The following NHSL2 variants were observed in gnomAD, a reference collection of about 807,000 sequenced individuals.
The protein encoded by NHSL2 is NHS like 2.
A neutral mutation model predicts 53.4 loss-of-function variants in NHSL2; 27 were observed. That is an observed-to-expected ratio of 0.51 (90% confidence interval 0.37 to 0.70). NHSL2 has a LOEUF of 0.70. Ranked by LOEUF, NHSL2 falls within the 30% of genes least tolerant of loss-of-function variation. NHSL2 has a pLI of 0.00. For synonymous variants in NHSL2, 408 were observed against 404.1 expected (o/e 1.01, Z -0.12); for missense variants, 892 against 980.1 (o/e 0.91, Z 1.20).
rs536048451 is a variant in NHSL2 at position 72,024,584 on chromosome X, AG to A, written c.281-107494del. 4.5e-4 allele frequency among the ~76,000 whole-genome samples: 50 copies of A among 112,268 alleles called. No homozygotes were observed. In the South Asian group the frequency reaches 0.018, roughly 40 times the overall value. On this transcript the variant is annotated intron_variant, in intron 1 of 7. Transcript: ENST00000633930. The stretch of plus-strand genomic sequence containing the variant: ...GATGAGGACGGGCACAGAGAGGCTG[AG>A]TGGGTGGTCTAGATCACATAGCTAA...
chrX:72,003,531 C>T (rs1017324934), intron 1 of NHSL2, among the ~76,000 whole-genome samples: 2 of 111,531 alleles, frequency 1.8e-5, no homozygotes, highest in Non-Finnish European at 3.8e-5. Flanking sequence ...TCTATTCCTA[C>T]AAGTATGGCC....
chrX:72,028,693 ACT>A (rs1166534674), intron 1 of NHSL2, among the ~76,000 whole-genome samples: 5 of 111,734 alleles, frequency 4.5e-5, no homozygotes, highest in Non-Finnish European at 7.5e-5. Context: ...ATTTGACAAC[ACT>A]CTCTCTTGAA....
Position 72,139,459 on chromosome X carries a change from C to G in NHSL2, c.1911C>G (p.His637Gln), listed in dbSNP as rs1281592268. 8.3e-7 allele frequency: 1 copy of G among 1,208,685 alleles called. No homozygotes were observed. Among genetic ancestry groups the G allele is most frequent in the Non-Finnish European group, 1.1e-6 (1 of 894,197 alleles). Residue 637 changes from histidine (H) to glutamine (Q), a missense_variant, in exon 6 of 8, where the codon CAC (histidine) becomes CAG (glutamine). Transcript: ENST00000633930. Reference protein sequence around the residue: ...KDPESTQFSHHWYLTDWKSGD... With the variant: ...KDPESTQFSHQWYLTDWKSGD... ...CAGAAAGTACACAATTCTCCCACCACTGGTATCTTACTGACTGGAAGTCTG... is the reference window on the plus strand; with the variant it reads ...CAGAAAGTACACAATTCTCCCACCAGTGGTATCTTACTGACTGGAAGTCTG...
rs755487443 is a variant in NHSL2, at chrX:72,066,883, A to C, written c.281-65196A>C. ...GATAGCTCACAGGTGTAATCCCAGT[A>C]CTTTGGGAAGCCGAAGTGGGAGGAT... On this transcript the variant is annotated intron_variant, in intron 1 of 7. Transcript: ENST00000633930. 2.7e-5 allele frequency among the ~76,000 whole-genome samples: 3 copies of C among 112,373 alleles called. No individual in the cohort carries two copies. The South Asian group carries it at 1.1e-3, about 41-fold the overall frequency.
intron 1 of NHSL2, among the ~76,000 whole-genome samples, chrX:72,077,318 G>A (rs1331460942): frequency 9.0e-6 from 1 of 110,576 alleles, no homozygotes; most frequent in Non-Finnish European, 1.9e-5. Context: ...TCCCAACCCT[G>A]CACCATAACC....
At chrX:72,029,623 C>G (rs1325428963) in intron 1 of NHSL2, among the ~76,000 whole-genome samples, 1 of 113,078 alleles carries the variant, frequency 8.8e-6, no homozygotes, top group African/African-American at 3.2e-5. Context: ...GGCCTACTGC[C>G]CTCGCACATG....
At chrX:71,949,684 G>A (rs370217736) in intron 1 of NHSL2, among the ~76,000 whole-genome samples, 1 of 112,407 alleles carries the variant, frequency 8.9e-6, no homozygotes, top group Non-Finnish European at 1.9e-5. Context: ...CCAACTCCCC[G>A]TCTGACTTTG....
chrX:71,966,551 C>T (rs746781897), intron 1 of NHSL2, among the ~76,000 whole-genome samples: 3 of 111,968 alleles, frequency 2.7e-5, no homozygotes, highest in African/African-American at 9.7e-5. Flanking sequence ...TAGATACAAT[C>T]GCTATTTTTC....
chrX:72,138,890 C>T lies in NHSL2; in HGVS notation c.1342C>T (p.Pro448Ser). ...TACCCTCCTTGTCGCTCGTGATAAC[C>T]CAGCAGGATGCAGTGGGTCAGCTGG... is the stretch of plus-strand genomic sequence containing the variant. ...AATLLVARDN[P>S]AGCSGSAGYP... The change falls in exon 6 of 8, where the codon CCA becomes TCA. Residue 448 changes from proline to serine, a missense_variant. By Grantham distance (74) the Pro-to-Ser change is moderately conservative (BLOSUM62 -1). Coordinates refer to ENST00000633930, the MANE Select transcript of NHSL2 (RefSeq NM_001013627.3). The T allele has an allele frequency of 8.3e-7, 1 of 1,210,417 alleles. No homozygotes were observed. The highest frequency in any genetic ancestry group is 1.7e-5 in the African/African-American group (1 of 57,877).
intron 1 of NHSL2, chrX:72,130,500 A>G: frequency 1.7e-6 from 2 of 1,210,700 alleles, no homozygotes; most frequent in Non-Finnish European, 2.2e-6. Flanking sequence ...CTTGGTCTTC[A>G]TCTTCACTGT....
At chrX:71,965,433 T>C (rs1228428727) in intron 1 of NHSL2, among the ~76,000 whole-genome samples, 3 of 112,564 alleles carry the variant, frequency 2.7e-5, no homozygotes, top group Admixed American at 1.9e-4. Context: ...TATGAGAGTA[T>C]ATTTCTGTGC....
chrX:72,133,387 T>C, intron 2 of NHSL2, among the ~76,000 whole-genome samples: 1 of 112,539 alleles, frequency 8.9e-6, no homozygotes, highest in Middle Eastern at 4.6e-3. Context: ...TTGTTCAGTG[T>C]ACATACAGCA....
intron 1 of NHSL2, among the ~76,000 whole-genome samples, chrX:72,058,755 C>T (rs935420139): frequency 8.9e-6 from 1 of 112,592 alleles, no homozygotes; most frequent in African/African-American, 3.2e-5. Context: ...ACCAGGATTG[C>T]TACCTGACCT....
intron 1 of NHSL2, among the ~76,000 whole-genome samples, chrX:72,030,777 T>A (rs987742587): frequency 4.5e-5 from 5 of 112,035 alleles, no homozygotes; most frequent in African/African-American, 1.6e-4. Context: ...GTTTAACAAC[T>A]GGCTCACAAA....
intron 1 of NHSL2, among the ~76,000 whole-genome samples, chrX:71,952,068 CCTT>C (rs1408726804): frequency 8.9e-6 from 1 of 112,182 alleles, no homozygotes; most frequent in Non-Finnish European, 1.9e-5. Context: ...ATCTGGTCCT[CCTT>C]CTATGCAAAA....
At chrX:72,099,410 G>A (rs957669680) in intron 1 of NHSL2, among the ~76,000 whole-genome samples, 4 of 94,722 alleles carry the variant, frequency 4.2e-5, no homozygotes, top group Admixed American at 3.8e-4. Flanking sequence ...CTGTCACCCA[G>A]GCTGGAGTGC....
At chrX:72,022,719 C>G (rs953383672) in intron 1 of NHSL2, among the ~76,000 whole-genome samples, 2 of 112,007 alleles carry the variant, frequency 1.8e-5, no homozygotes, top group African/African-American at 6.5e-5. Flanking sequence ...ATCCATGACA[C>G]TTAGTGTGTC....
Position 71,933,362 on chromosome X carries a change from T to C in NHSL2, c.280+21995T>C, listed in dbSNP as rs764368455. Among the ~76,000 whole-genome samples the C allele has an allele frequency of 8.4e-5, 9 of 107,735 alleles. No individual in the cohort carries two copies. In the East Asian group the frequency reaches 2.6e-3, roughly 31 times the overall value. The allele number at this position is 107,735 out of a possible 115,157, so 93.6% of individuals were successfully genotyped here. On this transcript the variant is annotated intron_variant, in intron 1 of 7. Transcript: ENST00000633930. Reference sequence around the variant, plus strand: ...GGATGACAGAAAGACTAATAATAGATGACATGTCAAGGTGCACTTAACTTT... The same window carrying C: ...GGATGACAGAAAGACTAATAATAGACGACATGTCAAGGTGCACTTAACTTT...
At chrX:71,921,422 GAA>G (rs534972153) in intron 1 of NHSL2, among the ~76,000 whole-genome samples, 5 of 81,765 alleles carry the variant, frequency 6.1e-5, no homozygotes, top group Admixed American at 1.4e-4. Flanking sequence ...CTCCGTCTCT[GAA>G]AAAAAAAAAA....
Sources: gnomAD v4.1 joint callset for allele counts (sites outside exome capture counted in the v4.1 genomes callset) on GRCh38, gnomAD v4.1.1 for gene constraint, MANE v1.5 for transcripts, NCBI Gene and HGNC (gene_info 2026-07-23, HGNC 2026-07-21) for gene names.